The following RELN variants were observed in gnomAD, a reference collection of about 807,000 sequenced individuals.
RELN encodes the protein reelin.
In RELN, 108 loss-of-function variants were observed where a neutral mutation model predicts 427.6. The observed-to-expected ratio is 0.25, with a 90% CI of 0.22 to 0.30. The LOEUF (loss-of-function observed/expected upper bound fraction) is 0.30, where lower values mean the gene tolerates loss of function less well. Among genes scored for constraint, RELN ranks in the 10% least tolerant of loss-of-function variants. RELN has a pLI of 1.00. For missense variants in RELN, 3,715 were observed against 4,302.8 expected (o/e 0.86, Z 3.82); for synonymous variants, 1,524 against 1,513.4 (o/e 1.01, Z -0.16).
At chr7:103,839,635 A>G (rs1423718951) in intron 2 of RELN, among the ~76,000 whole-genome samples, 1 of 152,176 alleles carries the variant, frequency 6.6e-6, no homozygotes, top group African/African-American at 2.4e-5. Flanking sequence ...TGGTACTGAT[A>G]AAAAATACAA....
Position 103,636,289 on chromosome 7 carries a change from T to C in RELN, c.2249A>G (p.Asn750Ser), listed in dbSNP as rs764084018. The change falls in exon 18 of 65, where the codon AAC (asparagine) becomes AGC (serine). Residue 750 changes from asparagine to serine, a missense_variant. Physicochemically the swap from Asn to Ser is conservative, Grantham distance 46. Coordinates refer to ENST00000428762, the MANE Select transcript of RELN (RefSeq NM_005045.4). ...VLASGKALVF[N>S]KDGRRQLITS... is the part of the protein sequence containing the mutation. ...AATTAGCTGACGCCGCCCATCTTTG[T>C]TGAAAACCAGGGCCTTACCACTGGC... 8 of 1,614,054 alleles carry C rather than the reference T, an allele frequency of 5.0e-6. No homozygotes were observed. The highest frequency in any genetic ancestry group is 1.7e-6 in the Non-Finnish European group (2 of 1,179,980).
At chr7:103,589,540 C>A in intron 28 of RELN, 56 bp downstream of exon 28, 1 of 1,106,232 alleles carries the variant, frequency 9.0e-7, no homozygotes, top group Non-Finnish European at 1.4e-6. Context: ...AGGGTTATAG[C>A]ATTTGGGACT....
chr7:103,597,767 C>A (rs142910267), intron 24 of RELN, among the ~76,000 whole-genome samples: 1 of 152,292 alleles, frequency 6.6e-6, no homozygotes, highest in Non-Finnish European at 1.5e-5. Context: ...AATCCAAGAA[C>A]TTGCTTCCTT....
intron 6 of RELN, among the ~76,000 whole-genome samples, chr7:103,744,338 ATC>A (rs1331236277): frequency 6.6e-6 from 1 of 151,956 alleles, no homozygotes; most frequent in East Asian, 1.9e-4. Context: ...ACACCCTAAC[ATC>A]ACAATTAAAA....
At chr7:103,872,929 ATTTG>A (rs1794385936) in intron 2 of RELN, among the ~76,000 whole-genome samples, 1 of 151,544 alleles carries the variant, frequency 6.6e-6, no homozygotes, top group African/African-American at 2.4e-5. Context: ...TTTTTTGTAA[ATTTG>A]TTTGAGTTCA....
chr7:103,846,091 A>C (rs538517896), intron 2 of RELN, among the ~76,000 whole-genome samples: 7 of 152,324 alleles, frequency 4.6e-5, no homozygotes, highest in South Asian at 4.1e-4. Flanking sequence ...TTTAAATTTC[A>C]TATGGAACAA....
rs1000843648 is a variant in RELN, at chr7:103,563,366, AT to A, written c.5211-1414del. On this transcript the variant is annotated intron_variant, in intron 34 of 64. Coordinates refer to ENST00000428762, the MANE Select transcript of RELN (RefSeq NM_005045.4). The surrounding 1 kb of genome is among the most constrained non-coding windows in gnomAD (Gnocchi z 4.1). ...GTGTATGCCAAGGCTAATAATGTGTATTTTTGTGTCTAAGTTTTTAAGAAAG... is the reference window on the plus strand; with the variant it reads ...GTGTATGCCAAGGCTAATAATGTGTATTTTGTGTCTAAGTTTTTAAGAAAG... 1.3e-5 allele frequency among the ~76,000 whole-genome samples: 2 copies of A among 152,194 alleles called. No individual in the cohort carries two copies. The highest frequency in any genetic ancestry group is 2.9e-5 in the Non-Finnish European group (2 of 68,026).
At chr7:103,833,814 A>AC in intron 2 of RELN, 142 bp from the exon 3 acceptor site, 1 of 785,034 alleles carries the variant, frequency 1.3e-6, no homozygotes, top group African/African-American at 1.7e-5. Flanking sequence ...GTAATTTTTC[A>AC]CTTTTTATTG....
intron 4 of RELN, among the ~76,000 whole-genome samples, chr7:103,761,983 A>C (rs908528984): frequency 2.0e-5 from 3 of 152,228 alleles, no homozygotes; most frequent in Admixed American, 1.3e-4. Flanking sequence ...GAGGAGAAGG[A>C]AGAAACCTTG....
chr7:103,843,774 T>G (rs39386), intron 2 of RELN, among the ~76,000 whole-genome samples: 1,837 of 152,348 alleles, frequency 0.012, 14 homozygotes, highest in Non-Finnish European at 0.017. Flanking sequence ...TGGGTCTGTG[T>G]GACCACTGAG....
chr7:103,980,135 G>C (rs1303749632), intron 1 of RELN, among the ~76,000 whole-genome samples: 2 of 150,020 alleles, frequency 1.3e-5, no homozygotes, highest in African/African-American at 4.9e-5. Flanking sequence ...ACTCCAGCCT[G>C]GACAACAAGA....
chr7:103,614,846 C>G (rs563020450), intron 20 of RELN, among the ~76,000 whole-genome samples: 77 of 152,296 alleles, frequency 5.1e-4, no homozygotes, highest in African/African-American at 1.8e-3. Context: ...GCACTTTAAA[C>G]TCCAGACCAT....
At chr7:103,982,570 G>C (rs68163058) in intron 1 of RELN, among the ~76,000 whole-genome samples, 25,795 of 152,072 alleles carry the variant, frequency 0.17, 2,281 homozygotes, top group Middle Eastern at 0.3. Flanking sequence ...AGGAAGAGGA[G>C]AGGGAAAGCA....
At chr7:103,925,791 T>G (rs1795718113) in intron 1 of RELN, among the ~76,000 whole-genome samples, 1 of 152,198 alleles carries the variant, frequency 6.6e-6, no homozygotes, top group African/African-American at 2.4e-5. Context: ...CATGGATAAT[T>G]TTCTAGGTTG....
chr7:103,821,585 A>G (rs1486252419), intron 3 of RELN, among the ~76,000 whole-genome samples: 1 of 152,158 alleles, frequency 6.6e-6, no homozygotes, highest in Non-Finnish European at 1.5e-5. Flanking sequence ...AAAGTGAGAA[A>G]AGCTCTTTTG....
At chr7:103,524,360 A>G (rs1251002623) in intron 46 of RELN, among the ~76,000 whole-genome samples, 1 of 152,232 alleles carries the variant, frequency 6.6e-6, no homozygotes, top group African/African-American at 2.4e-5. Context: ...GAGCATAATA[A>G]ATGAGACCAG....
At chr7:103,909,181 C>T (rs1401641959) in intron 2 of RELN, among the ~76,000 whole-genome samples, 3 of 152,122 alleles carry the variant, frequency 2.0e-5, no homozygotes, top group Admixed American at 6.6e-5. Flanking sequence ...TCATAATATA[C>T]ATCTCAGTCA....
chr7:103,635,586 C>T lies in RELN; in HGVS notation c.2304G>A (p.Arg768=), dbSNP rs1036766828. 6 of 1,613,006 alleles carry T rather than the reference C, an allele frequency of 3.7e-6. No homozygotes were observed. Among genetic ancestry groups the T allele is most frequent in the East Asian group, 2.2e-5 (1 of 44,838 alleles). Residue 768 remains arginine (R), a splice_region_variant and synonymous_variant, in exon 19 of 65, where the codon AGG becomes AGA. Coordinates refer to ENST00000428762, the MANE Select transcript of RELN (RefSeq NM_005045.4). ...ITSFLDSSQS[R]FLQFTLRLGS... ...CCAGTCTCAGTGTGAACTGGAGAAA[C>T]CTAGACAGAAATTGTCTATAATTAG...
intron 4 of RELN, among the ~76,000 whole-genome samples, chr7:103,756,836 G>A (rs1334937754): frequency 6.6e-6 from 1 of 152,162 alleles, no homozygotes; most frequent in Non-Finnish European, 1.5e-5. Context: ...CATTTAGTAT[G>A]CAAAACTTAA....
Sources: allele counts gnomAD v4.1 joint callset (sites outside exome capture counted in the v4.1 genomes callset), GRCh38; gene constraint gnomAD v4.1.1; non-coding constraint Gnocchi (gnomAD v3.1); transcripts MANE v1.5; gene names NCBI Gene and HGNC (gene_info 2026-07-23, HGNC 2026-07-21).